The following ACVR1 variants were observed in gnomAD, a reference collection of about 807,000 sequenced individuals.
ACVR1 encodes the protein activin receptor type-1.
ACVR1 carries 38 observed loss-of-function variants against 57.1 expected under a neutral mutation model. That is an observed-to-expected ratio of 0.67 (90% CI 0.51 to 0.87). The LOEUF (loss-of-function observed/expected upper bound fraction) is 0.87, where lower values mean the gene tolerates loss of function less well. ACVR1 is among the 40% of genes least tolerant of loss of function. The pLI is 0.00. For synonymous variants in ACVR1, 212 were observed against 228.1 expected (o/e 0.93, Z 0.63); for missense variants, 463 against 638.2 (o/e 0.73, Z 2.96).
At chr2:157,790,522 T>C (rs1686871604) in intron 3 of ACVR1, among the ~76,000 whole-genome samples, 2 of 152,240 alleles carry the variant, frequency 1.3e-5, no homozygotes, top group Non-Finnish European at 2.9e-5. Context: ...GCAAAAGTTG[T>C]TAGAAAAGTC....
intron 5 of ACVR1, among the ~76,000 whole-genome samples, chr2:157,777,019 A>AT (rs1176355837): frequency 2.6e-5 from 4 of 152,044 alleles, no homozygotes; most frequent in Non-Finnish European, 5.9e-5. Context: ...CAAATCTCAA[A>AT]TTTTTCAGAG....
intron 1 of ACVR1, among the ~76,000 whole-genome samples, chr2:157,865,862 A>T (rs1037554599): frequency 6.7e-6 from 1 of 149,842 alleles, no homozygotes; most frequent in African/African-American, 2.5e-5. Context: ...ATAGATAGAT[A>T]GATTGACTGA....
At chr2:157,791,653 T>C (rs1222465792) in intron 3 of ACVR1, among the ~76,000 whole-genome samples, 1 of 152,184 alleles carries the variant, frequency 6.6e-6, no homozygotes, top group Non-Finnish European at 1.5e-5. Context: ...AAGGAGAATA[T>C]ACGCAAAGAC....
chr2:157,826,360 T>G (rs893540073), intron 1 of ACVR1, among the ~76,000 whole-genome samples: 2 of 152,046 alleles, frequency 1.3e-5, no homozygotes, highest in Admixed American at 1.3e-4. Flanking sequence ...TGAATGAAGT[T>G]TAAAATTATA....
intron 8 of ACVR1, among the ~76,000 whole-genome samples, chr2:157,765,391 C>G (rs1685823462): frequency 6.6e-6 from 1 of 152,070 alleles, no homozygotes. Flanking sequence ...TTAGTGAAAC[C>G]AAAATGCAAC....
Position 157,780,401 on chromosome 2 carries a change from T to G in ACVR1, c.267A>C (p.Gln89His). Residue 89 changes from glutamine (Q) to histidine (H), a missense_variant, in exon 4 of 11, where the codon CAA (glutamine) becomes CAC (histidine). Gln to His is a conservative substitution (Grantham distance 24). Transcript: ENST00000434821. Reference protein sequence around the residue: ...MTCKTPPSPGQAVECCQGDWC... With the variant: ...MTCKTPPSPGHAVECCQGDWC... ...AGTCCCCTTGGCAGCACTCCACGGC[T>G]TGGCCAGGGGACGGCGGGGTCTTAC... The G allele has an allele frequency of 6.2e-7, 1 of 1,614,182 alleles. No homozygotes were observed. Among genetic ancestry groups the G allele is most frequent in the South Asian group, 1.1e-5 (1 of 91,088 alleles).
intron 2 of ACVR1, among the ~76,000 whole-genome samples, chr2:157,816,293 T>C (rs1161472807): frequency 2.0e-5 from 3 of 152,104 alleles, no homozygotes; most frequent in Non-Finnish European, 4.4e-5. Context: ...TTTCGTATTA[T>C]CTGAAATGAA....
At chr2:157,746,601 T>C (rs996413704) in intron 9 of ACVR1, among the ~76,000 whole-genome samples, 1 of 152,278 alleles carries the variant, frequency 6.6e-6, no homozygotes, top group Admixed American at 6.5e-5. Flanking sequence ...TCAAAAACTC[T>C]CGTGTGTATT....
At chr2:157,818,895 G>A (rs953844393) in intron 1 of ACVR1, among the ~76,000 whole-genome samples, 11 of 151,380 alleles carry the variant, frequency 7.3e-5, no homozygotes, top group South Asian at 2.1e-4. Flanking sequence ...CGGCTAAAAC[G>A]GTGAAACCCC....
intron 2 of ACVR1, among the ~76,000 whole-genome samples, chr2:157,803,473 T>C (rs1687400432): frequency 6.6e-6 from 1 of 152,124 alleles, no homozygotes; most frequent in African/African-American, 2.4e-5. Flanking sequence ...AAAAAGAATG[T>C]GGAAAGGGGA....
chr2:157,813,053 G>A (rs182910952), intron 2 of ACVR1, among the ~76,000 whole-genome samples: 4 of 152,136 alleles, frequency 2.6e-5, no homozygotes, highest in African/African-American at 9.6e-5. Flanking sequence ...AAAATAATAG[G>A]TTTTCTTCAT....
At chr2:157,857,235 GGATATTTCTGGGACTCTGT>G (rs1689565897) in intron 1 of ACVR1, among the ~76,000 whole-genome samples, 1 of 151,964 alleles carries the variant, frequency 6.6e-6, no homozygotes, top group South Asian at 2.1e-4. Context: ...ACACAATTCT[GGATATTTCTGGGACTCTGT>G]GATACAAAGG....
intron 1 of ACVR1, chr2:157,860,205 T>C (rs1317814827): frequency 3.3e-5 from 5 of 152,146 alleles, no homozygotes; most frequent in African/African-American, 1.2e-4. Flanking sequence ...CAAATAGTAA[T>C]ATATGTGGTA....
At chr2:157,835,639 C>T (rs555133060) in intron 1 of ACVR1, among the ~76,000 whole-genome samples, 1 of 152,076 alleles carries the variant, frequency 6.6e-6, no homozygotes, top group African/African-American at 2.4e-5. Flanking sequence ...TCAGCTCCAA[C>T]GTATGTCAAA....
intron 1 of ACVR1, among the ~76,000 whole-genome samples, chr2:157,837,909 T>C (rs545032723): frequency 1.1e-4 from 16 of 152,318 alleles, no homozygotes; most frequent in Admixed American, 8.5e-4. Context: ...TTTGCAGCTG[T>C]TGTCTCCTGC....
chr2:157,784,960 C>G (rs1477094753), intron 3 of ACVR1, among the ~76,000 whole-genome samples: 3 of 152,190 alleles, frequency 2.0e-5, no homozygotes, highest in African/African-American at 7.2e-5. Context: ...GGGACTTTAG[C>G]AATCACAACA....
intron 1 of ACVR1, among the ~76,000 whole-genome samples, chr2:157,855,232 C>T (rs976706789): frequency 7.7e-6 from 1 of 129,070 alleles, no homozygotes; most frequent in African/African-American, 3.0e-5. Context: ...GCCTGGGCAA[C>T]ATGGTGAAAC....
intron 2 of ACVR1, among the ~76,000 whole-genome samples, chr2:157,816,784 A>G (rs1471587400): frequency 2.6e-5 from 4 of 152,126 alleles, no homozygotes; most frequent in Non-Finnish European, 4.4e-5. Context: ...CTCCACATAC[A>G]TGGTTCAAAC....
At chr2:157,755,211 T>C (rs1685376443) in intron 9 of ACVR1, among the ~76,000 whole-genome samples, 2 of 152,106 alleles carry the variant, frequency 1.3e-5, no homozygotes, top group African/African-American at 4.8e-5. Context: ...AGGATAAGGA[T>C]GTCCACTCTC....
Sources: allele counts gnomAD v4.1 joint callset (sites outside exome capture counted in the v4.1 genomes callset), GRCh38; gene constraint gnomAD v4.1.1; transcripts MANE v1.5; gene names NCBI Gene and HGNC (gene_info 2026-07-23, HGNC 2026-07-21).